KCNC2: variants seen among roughly 807,000 people sequenced by gnomAD.
KCNC2 encodes potassium voltage-gated channel subfamily C member 2.
In KCNC2, 21 loss-of-function variants were observed where a neutral mutation model predicts 44.5. That is an observed-to-expected ratio of 0.47 (90% CI 0.33 to 0.68). KCNC2 has a LOEUF of 0.68. KCNC2 is among the 30% of genes least tolerant of loss of function. The pLI, the probability that KCNC2 is intolerant of heterozygous loss-of-function variation, is 0.01. For missense variants in KCNC2, 589 were observed against 826.2 expected, an observed-to-expected ratio of 0.71 and a Z score of 3.52; for synonymous variants, 391 against 339.1, an observed-to-expected ratio of 1.15 and a Z score of -1.68.
chr12:75,127,208 T>G (rs1310735759), intron 2 of KCNC2, among the ~76,000 whole-genome samples: 1 of 152,148 alleles, frequency 6.6e-6, no homozygotes, highest in Non-Finnish European at 1.5e-5. Flanking sequence ...AATTAGTAGT[T>G]ACATGACGGT....
chr12:75,108,781 T>G (rs17114607), intron 2 of KCNC2, among the ~76,000 whole-genome samples: 25,171 of 152,150 alleles, frequency 0.17, 2,170 homozygotes, highest in Middle Eastern at 0.24. Flanking sequence ...AGTTTTTTTG[T>G]TCAGGAATAT....
chr12:75,109,883 TA>T (rs920593541), intron 2 of KCNC2, among the ~76,000 whole-genome samples: 2 of 152,016 alleles, frequency 1.3e-5, no homozygotes, highest in African/African-American at 2.4e-5. Context: ...CTCTAGATCT[TA>T]AAAAAATCTA....
At chr12:75,175,008 A>G (rs907886140) in intron 2 of KCNC2, among the ~76,000 whole-genome samples, 15 of 151,972 alleles carry the variant, frequency 9.9e-5, no homozygotes, top group Non-Finnish European at 2.9e-5. Flanking sequence ...TGTAGTGTCC[A>G]GATGCCAAGG....
intron 2 of KCNC2, among the ~76,000 whole-genome samples, chr12:75,109,903 T>A (rs559311337): frequency 8.5e-5 from 13 of 152,174 alleles, no homozygotes; most frequent in Admixed American, 2.0e-4. Context: ...TAATTTTTTT[T>A]AAATTGGTAG....
intron 2 of KCNC2, among the ~76,000 whole-genome samples, chr12:75,108,347 A>T: frequency 6.6e-6 from 1 of 152,222 alleles, no homozygotes; most frequent in East Asian, 1.9e-4. Flanking sequence ...TAATGATAAC[A>T]TGCCTAAAGC....
chr12:75,203,952 A>G (rs890456367), intron 2 of KCNC2, among the ~76,000 whole-genome samples: 1 of 151,976 alleles, frequency 6.6e-6, no homozygotes, highest in African/African-American at 2.4e-5. Context: ...AGGAAAGCAC[A>G]TACAAGCTTC....
At chr12:75,043,746 G>A in intron 4 of KCNC2, 2 of 1,501,484 alleles carry the variant, frequency 1.3e-6, no homozygotes, top group Non-Finnish European at 1.8e-6. Flanking sequence ...GTTAAAAGAT[G>A]ATTCTTAAAT....
intron 2 of KCNC2, among the ~76,000 whole-genome samples, chr12:75,183,333 C>T (rs1437581106): frequency 2.0e-5 from 3 of 152,178 alleles, no homozygotes; most frequent in South Asian, 2.1e-4. Context: ...TAAGCGAAGA[C>T]GTGCTTCTAC....
At chr12:75,189,262 T>A (rs985975588) in intron 2 of KCNC2, among the ~76,000 whole-genome samples, 2 of 152,178 alleles carry the variant, frequency 1.3e-5, no homozygotes, top group Admixed American at 6.5e-5. Context: ...AGTGTTTTGA[T>A]AGTTCAGGAG....
chr12:75,075,458 C>CATATATATAT lies in KCNC2; in HGVS notation c.688-24151_688-24142dup, dbSNP rs5799200. ...TTCTCAGGAGAGAAATATATATATA[C>CATATATATAT]ATATATATATATATATATATATATA... On this transcript the variant is annotated intron_variant, in intron 2 of 4. Transcript: ENST00000549446. Among the ~76,000 whole-genome samples the CATATATATAT allele has an allele frequency of 3.9e-3, 569 of 145,506 alleles. 4 individuals carry two copies. The highest frequency in any genetic ancestry group is 7.4e-3 in the African/African-American group (298 of 40,004).
intron 2 of KCNC2, among the ~76,000 whole-genome samples, chr12:75,099,630 T>C (rs961446295): frequency 1.3e-5 from 2 of 152,210 alleles, no homozygotes; most frequent in Non-Finnish European, 2.9e-5. Context: ...TTTTATTACA[T>C]AGCTATTGAA....
At chr12:75,181,533 G>A (rs1353050170) in intron 2 of KCNC2, among the ~76,000 whole-genome samples, 1 of 152,188 alleles carries the variant, frequency 6.6e-6, no homozygotes, top group Non-Finnish European at 1.5e-5. Flanking sequence ...CTAATGGACA[G>A]TGTCTACTGC....
chr12:75,183,312 A>C (rs1892726624), intron 2 of KCNC2, among the ~76,000 whole-genome samples: 1 of 152,192 alleles, frequency 6.6e-6, no homozygotes, highest in Admixed American at 6.5e-5. Context: ...AATTTGACCA[A>C]TCCTTTGTGC....
Position 75,204,964 on chromosome 12 carries a change from T to C in KCNC2, c.687+2333A>G, listed in dbSNP as rs1296482985. Among the ~76,000 whole-genome samples, 8 of 152,260 alleles carry C rather than the reference T, an allele frequency of 5.3e-5. No individual in the cohort carries two copies. The South Asian group carries it at 8.3e-4, about 16-fold the overall frequency. ...TTTTAAGAAGTTAATTCAAGTCCCA[T>C]ATTTTTATTCTACTGTTGGGTGGTA... On this transcript the variant is annotated intron_variant, in intron 2 of 4. Transcript: ENST00000549446.
chr12:75,086,843 T>C (rs1336499720), intron 2 of KCNC2, among the ~76,000 whole-genome samples: 1 of 151,562 alleles, frequency 6.6e-6, no homozygotes, highest in East Asian at 1.9e-4. Context: ...GTTAAGAGGG[T>C]TTCTTTGGTA....
At chr12:75,061,180 GA>G (rs1882282893) in intron 2 of KCNC2, among the ~76,000 whole-genome samples, 3 of 152,050 alleles carry the variant, frequency 2.0e-5, no homozygotes, top group Non-Finnish European at 4.4e-5. Flanking sequence ...TAATGGCAAA[GA>G]TTATGGCCAT....
chr12:75,073,134 C>T (rs1423598399), intron 2 of KCNC2, among the ~76,000 whole-genome samples: 2 of 152,170 alleles, frequency 1.3e-5, no homozygotes, highest in African/African-American at 2.4e-5. Context: ...AAAAGAGCTA[C>T]TGCCATTTCT....
At chr12:75,114,135 T>C (rs2137252251) in intron 2 of KCNC2, among the ~76,000 whole-genome samples, 1 of 152,356 alleles carries the variant, frequency 6.6e-6, no homozygotes, top group Non-Finnish European at 1.5e-5. Context: ...TGAAGTGGAA[T>C]GACTCTCAAA....
intron 2 of KCNC2, among the ~76,000 whole-genome samples, chr12:75,165,653 G>C (rs556080354): frequency 1.3e-5 from 2 of 151,430 alleles, no homozygotes; most frequent in South Asian, 4.2e-4. Context: ...TAAGTGTTAG[G>C]TCCATCAAAA....
Sources: gnomAD v4.1 joint callset for allele counts (sites outside exome capture counted in the v4.1 genomes callset) on GRCh38, gnomAD v4.1.1 for gene constraint, MANE v1.5 for transcripts, NCBI Gene and HGNC (gene_info 2026-07-23, HGNC 2026-07-21) for gene names.